Variants in TRPM6 observed in about 807,000 individuals in gnomAD.
TRPM6 encodes the protein channel kinase 2.
In TRPM6, 111 loss-of-function variants were observed where a neutral mutation model predicts 247.6. The observed-to-expected ratio is 0.45, with a 90% CI of 0.38 to 0.52. TRPM6 has a LOEUF of 0.52. TRPM6 is among the 20% of genes least tolerant of loss of function. TRPM6 has a pLI of 0.00. For missense variants in TRPM6, 2,126 were observed against 2,421.5 expected (o/e 0.88, Z 2.56); for synonymous variants, 892 against 853.8 (o/e 1.04, Z -0.78).
At chr9:74,728,720 T>C (rs575012878) in intron 37 of TRPM6, among the ~76,000 whole-genome samples, 31 of 152,308 alleles carry the variant, frequency 2.0e-4, no homozygotes, top group Admixed American at 5.9e-4. Flanking sequence ...AAAGGTAAGA[T>C]ATAAAGTAAA....
At chr9:74,788,167 T>C (rs1029082984) in intron 20 of TRPM6, among the ~76,000 whole-genome samples, 3 of 152,114 alleles carry the variant, frequency 2.0e-5, no homozygotes, top group Admixed American at 6.6e-5. Context: ...ACATATTCCT[T>C]AGATATTGCA....
chr9:74,775,784 C>A (rs1827195935), intron 24 of TRPM6, 99 bp downstream of exon 24: 26 of 1,213,004 alleles, frequency 2.1e-5, no homozygotes, highest in Non-Finnish European at 3.2e-5. Flanking sequence ...CTCCCAGAGC[C>A]CCACAGTGCC....
chr9:74,816,591 T>C (rs897437770), intron 11 of TRPM6, 78 bp downstream of exon 11: 1 of 1,158,448 alleles, frequency 8.6e-7, no homozygotes, highest in Non-Finnish European at 1.3e-6. Flanking sequence ...CAATATCTCC[T>C]CTCATTTTCT....
chr9:74,886,022 A>G (rs1831518471), intron 1 of TRPM6, among the ~76,000 whole-genome samples: 1 of 152,266 alleles, frequency 6.6e-6, no homozygotes, highest in Non-Finnish European at 1.5e-5. Context: ...TGTCCTATCC[A>G]AAAAATTAAC....
At chr9:74,818,605 ATC>A (rs1829034276) in intron 9 of TRPM6, among the ~76,000 whole-genome samples, 1 of 152,192 alleles carries the variant, frequency 6.6e-6, no homozygotes. Context: ...GTCCGAGCAT[ATC>A]TGTCATTTCT....
At chr9:74,775,639 T>C (rs1231876677) in intron 24 of TRPM6, among the ~76,000 whole-genome samples, 1 of 152,100 alleles carries the variant, frequency 6.6e-6, no homozygotes, top group Non-Finnish European at 1.5e-5. Context: ...CTTTACACAA[T>C]CAAGCAGAGA....
At chr9:74,872,607 T>TGTGTGTGC (rs1831061519) in intron 1 of TRPM6, among the ~76,000 whole-genome samples, 1 of 151,220 alleles carries the variant, frequency 6.6e-6, no homozygotes, top group Non-Finnish European at 1.5e-5. Flanking sequence ...ATTTTGTGTG[T>TGTGTGTGC]GTGTGTGTGT....
intron 1 of TRPM6, among the ~76,000 whole-genome samples, chr9:74,878,193 T>C (rs571513967): frequency 1.3e-5 from 2 of 152,198 alleles, no homozygotes; most frequent in East Asian, 3.9e-4. Flanking sequence ...CAGAGGATTG[T>C]CTCACCACTG....
intron 1 of TRPM6, among the ~76,000 whole-genome samples, chr9:74,865,900 A>G (rs1362874069): frequency 6.6e-6 from 1 of 152,156 alleles, no homozygotes; most frequent in Non-Finnish European, 1.5e-5. Flanking sequence ...GCCCCCTGAG[A>G]ATCTGGGACT....
chr9:74,814,533 C>A (rs923523860), intron 11 of TRPM6, among the ~76,000 whole-genome samples: 1 of 152,034 alleles, frequency 6.6e-6, no homozygotes, highest in African/African-American at 2.4e-5. Flanking sequence ...ACATTGTATG[C>A]CTGTATCAAA....
At chr9:74,883,550 G>T (rs1016166642) in intron 1 of TRPM6, among the ~76,000 whole-genome samples, 2 of 152,296 alleles carry the variant, frequency 1.3e-5, no homozygotes, top group Admixed American at 1.3e-4. Context: ...GACTGATTGT[G>T]AAGAGAAAAT....
In TRPM6 at chr9:74,738,257, T is replaced by G. The variant is rs981127935; in HGVS notation, c.5776+150A>C. On this transcript the variant is annotated intron_variant, in intron 36 of 38. Transcript: ENST00000360774. Reference sequence around the variant, plus strand: ...GGAAATAACATAGCAGATTCCATGATTATCACTGTACAATGTCTCTGAAAT... The same window carrying G: ...GGAAATAACATAGCAGATTCCATGAGTATCACTGTACAATGTCTCTGAAAT... The G allele has an allele frequency of 5.2e-5, 41 of 784,100 alleles. No individual in the cohort carries two copies. In the African/African-American group the frequency reaches 5.6e-4, roughly 11 times the overall value. The allele number at this position is 784,100 out of a possible 1,614,324, so 48.6% of individuals were successfully genotyped here.
intron 6 of TRPM6, among the ~76,000 whole-genome samples, chr9:74,831,668 G>T (rs1477773341): frequency 6.6e-6 from 1 of 152,006 alleles, no homozygotes; most frequent in Non-Finnish European, 1.5e-5. Context: ...ACACTCCACC[G>T]GCCAAAATGG....
At chr9:74,885,460 G>A (rs1316817209) in intron 1 of TRPM6, among the ~76,000 whole-genome samples, 2 of 152,274 alleles carry the variant, frequency 1.3e-5, no homozygotes, top group South Asian at 2.1e-4. Context: ...TAAAAAGCAG[G>A]AAGTGATGGA....
intron 25 of TRPM6, among the ~76,000 whole-genome samples, chr9:74,763,976 C>A (rs976828199): frequency 1.3e-5 from 2 of 152,098 alleles, no homozygotes; most frequent in East Asian, 1.9e-4. Flanking sequence ...TGGTGAAATC[C>A]CATCTCTACT....
chr9:74,750,760 C>CAGT, intron 29 of TRPM6, 38 bp from the exon 30 acceptor site: 2 of 1,591,532 alleles, frequency 1.3e-6, no homozygotes, highest in Non-Finnish European at 1.7e-6. Flanking sequence ...GTGTGCTCAA[C>CAGT]ATAGTCCCAC....
At chr9:74,795,444 T>C (rs2118984032) in intron 18 of TRPM6, among the ~76,000 whole-genome samples, 1 of 152,204 alleles carries the variant, frequency 6.6e-6, no homozygotes, top group East Asian at 1.9e-4. Context: ...ACTCCCAGCT[T>C]GTCACATAAC....
chr9:74,770,533 TCTC>T (rs1413729723), intron 25 of TRPM6, among the ~76,000 whole-genome samples: 1 of 152,018 alleles, frequency 6.6e-6, no homozygotes, highest in African/African-American at 2.4e-5. Flanking sequence ...CTCCAGTGTG[TCTC>T]CTCCTCTTTC....
At chr9:74,760,076 G>A (rs1319542789) in intron 27 of TRPM6, among the ~76,000 whole-genome samples, 1 of 152,190 alleles carries the variant, frequency 6.6e-6, no homozygotes, top group Non-Finnish European at 1.5e-5. Context: ...CTGTCACCTA[G>A]TGACATTACA....
Sources: allele counts gnomAD v4.1 joint callset (sites outside exome capture counted in the v4.1 genomes callset), GRCh38; gene constraint gnomAD v4.1.1; transcripts MANE v1.5; gene names NCBI Gene and HGNC (gene_info 2026-07-23, HGNC 2026-07-21).